Variants in NEGR1 observed in about 807,000 individuals in gnomAD.
The protein encoded by NEGR1 is IgLON family member 4.
A neutral mutation model predicts 40.9 loss-of-function variants in NEGR1; 10 were observed. The ratio of observed to expected loss-of-function variants is 0.24; its 90% CI spans 0.15 to 0.42. The LOEUF (loss-of-function observed/expected upper bound fraction) is 0.42. NEGR1 is among the 10% of genes least tolerant of loss of function. The pLI, the probability that NEGR1 is intolerant of heterozygous loss-of-function variation, is 1.00. For synonymous variants in NEGR1, 185 were observed against 166.8 expected (o/e 1.11, Z -0.84); for missense variants, 352 against 438.9 (o/e 0.80, Z 1.77).
chr1:71,847,452 T>C (rs1258239736), intron 2 of NEGR1, among the ~76,000 whole-genome samples: 1 of 152,176 alleles, frequency 6.6e-6, no homozygotes, highest in Non-Finnish European at 1.5e-5. Context: ...CTGTGTCCCA[T>C]TTTGGTAGTT....
chr1:71,810,036 G>T (rs917063864), intron 2 of NEGR1, among the ~76,000 whole-genome samples: 1 of 152,060 alleles, frequency 6.6e-6, no homozygotes, highest in African/African-American at 2.4e-5. Context: ...AGATGAAGTT[G>T]GTTATGAACC....
chr1:72,239,310 A>G (rs754897983), intron 1 of NEGR1, among the ~76,000 whole-genome samples: 12 of 151,838 alleles, frequency 7.9e-5, no homozygotes, highest in Non-Finnish European at 1.5e-4. Context: ...CGTCAGGAAA[A>G]CAAGACATAA....
chr1:71,758,841 A>G (rs1353005133), intron 3 of NEGR1, among the ~76,000 whole-genome samples: 1 of 152,200 alleles, frequency 6.6e-6, no homozygotes, highest in African/African-American at 2.4e-5. Flanking sequence ...GGATCCAAGA[A>G]CAGCACAAAA....
chr1:71,552,740 T>C (rs1159480437), intron 6 of NEGR1, among the ~76,000 whole-genome samples: 2 of 151,298 alleles, frequency 1.3e-5, no homozygotes, highest in African/African-American at 4.8e-5. Flanking sequence ...TTTCCCTTAT[T>C]GCACTAGTTC....
At chr1:71,643,646 A>T (rs1009748374) in intron 4 of NEGR1, among the ~76,000 whole-genome samples, 2 of 152,024 alleles carry the variant, frequency 1.3e-5, no homozygotes, top group Non-Finnish European at 2.9e-5. Context: ...ATCATGATCA[A>T]ACACAAATGT....
At chr1:71,877,059 G>A (rs1376657335) in intron 2 of NEGR1, among the ~76,000 whole-genome samples, 1 of 151,910 alleles carries the variant, frequency 6.6e-6, no homozygotes, top group Non-Finnish European at 1.5e-5. Context: ...AGACTGTACA[G>A]ATTAGGAGGT....
intron 3 of NEGR1, among the ~76,000 whole-genome samples, chr1:71,751,469 T>TA (rs1162105351): frequency 2.6e-5 from 4 of 152,192 alleles, no homozygotes; most frequent in African/African-American, 9.6e-5. Flanking sequence ...CCAATACTAT[T>TA]AAATCACACA....
At chr1:72,012,655 C>T (rs1173877861) in intron 1 of NEGR1, among the ~76,000 whole-genome samples, 1 of 151,876 alleles carries the variant, frequency 6.6e-6, no homozygotes, top group Non-Finnish European at 1.5e-5. Context: ...TTAAGCCAGA[C>T]CCTCTTTTTT....
At chr1:72,219,651 C>A (rs1439144202) in intron 1 of NEGR1, among the ~76,000 whole-genome samples, 1 of 151,954 alleles carries the variant, frequency 6.6e-6, no homozygotes, top group Non-Finnish European at 1.5e-5. Context: ...CTCCAAACAC[C>A]ATACATGTAC....
intron 4 of NEGR1, among the ~76,000 whole-genome samples, chr1:71,661,102 G>C (rs572427155): frequency 6.6e-6 from 1 of 152,292 alleles, no homozygotes; most frequent in African/African-American, 2.4e-5. Context: ...GTCTAACATT[G>C]ATGAGCATTA....
intron 1 of NEGR1, among the ~76,000 whole-genome samples, chr1:72,159,152 T>C (rs1285315523): frequency 6.6e-6 from 1 of 152,184 alleles, no homozygotes; most frequent in African/African-American, 2.4e-5. Context: ...ATTTTGATAC[T>C]TCGGTTTTAA....
At chr1:72,103,201 C>T (rs767576257) in intron 1 of NEGR1, among the ~76,000 whole-genome samples, 1 of 152,070 alleles carries the variant, frequency 6.6e-6, no homozygotes, top group Non-Finnish European at 1.5e-5. Context: ...TTGGCCATTA[C>T]AGTCTTAAGA....
chr1:72,161,308 G>T (rs1214423159), intron 1 of NEGR1, among the ~76,000 whole-genome samples: 1 of 152,066 alleles, frequency 6.6e-6, no homozygotes, highest in East Asian at 1.9e-4. Context: ...TCTAGATTTA[G>T]GTTTGTGGTG....
At chr1:72,272,410 T>G in intron 1 of NEGR1, among the ~76,000 whole-genome samples, 1 of 152,044 alleles carries the variant, frequency 6.6e-6, no homozygotes, top group East Asian at 1.9e-4. Context: ...AATCAAATAT[T>G]ATGTATCTAA....
At position 72,022,494 on chromosome 1, in the gene NEGR1, C is replaced by G. The variant is rs566271916; in HGVS notation, c.177-87183G>C. ...ATAAAAAGCATAGTAAACCAATAAACAGATAGATATAATACACATCTACAC... is the reference window on the plus strand; with the variant it reads ...ATAAAAAGCATAGTAAACCAATAAAGAGATAGATATAATACACATCTACAC... On this transcript the variant is annotated intron_variant, in intron 1 of 6. Coordinates refer to ENST00000357731, the MANE Select transcript of NEGR1 (RefSeq NM_173808.3). Among the ~76,000 whole-genome samples the G allele has an allele frequency of 6.1e-5, 9 of 148,002 alleles. No individual in the cohort carries two copies. The South Asian group carries it at 1.9e-3, about 32-fold the overall frequency.
At chr1:72,154,557 A>C (rs60705884) in intron 1 of NEGR1, among the ~76,000 whole-genome samples, 7,306 of 152,112 alleles carry the variant, frequency 0.048, 595 homozygotes, top group African/African-American at 0.17. Flanking sequence ...CTCACCAAAT[A>C]GGAAATATTT....
rs78905375 is a variant in NEGR1, at chr1:71,692,746, C to T, written c.667+5262G>A. Among the ~76,000 whole-genome samples, 110 of 151,860 alleles carry T rather than the reference C, an allele frequency of 7.2e-4. 3 individuals carry two copies. In the East Asian group the frequency reaches 0.018, roughly 25 times the overall value. Reference sequence around the variant, plus strand: ...TGGAGCTAGTTATATTGGAAGATAACGTGCATATTTGCATAAATGAATACG... The same window carrying T: ...TGGAGCTAGTTATATTGGAAGATAATGTGCATATTTGCATAAATGAATACG... On this transcript the variant is annotated intron_variant, in intron 4 of 6. Coordinates refer to ENST00000357731, the MANE Select transcript of NEGR1 (RefSeq NM_173808.3).
chr1:72,147,162 T>C (rs1464201794), intron 1 of NEGR1, among the ~76,000 whole-genome samples: 2 of 152,106 alleles, frequency 1.3e-5, no homozygotes, highest in Non-Finnish European at 2.9e-5. Flanking sequence ...AAGTAAAAAT[T>C]TAGATGTATA....
intron 6 of NEGR1, among the ~76,000 whole-genome samples, chr1:71,554,032 AT>A (rs560586878): frequency 9.1e-4 from 138 of 151,664 alleles, no homozygotes; most frequent in African/African-American, 3.1e-3. Context: ...ATGAAGATCC[AT>A]TGCTTTAATT....
Sources: allele counts gnomAD v4.1 joint callset (sites outside exome capture counted in the v4.1 genomes callset), GRCh38; gene constraint gnomAD v4.1.1; transcripts MANE v1.5; gene names NCBI Gene and HGNC (gene_info 2026-07-23, HGNC 2026-07-21).